SKAP1: variants seen among roughly 807,000 people sequenced by gnomAD.
SKAP1 encodes the protein src kinase associated phosphoprotein 1.
SKAP1 carries 44 observed loss-of-function variants against 58.5 expected under a neutral mutation model. The observed-to-expected ratio is 0.75, with a 90% CI of 0.59 to 0.97. The LOEUF is 0.97. SKAP1 is among the 50% of genes least tolerant of loss of function. SKAP1 has a pLI of 0.00. For synonymous variants in SKAP1, 127 were observed against 149.7 expected (o/e 0.85, Z 1.11); for missense variants, 390 against 435.2 (o/e 0.90, Z 0.92).
At chr17:48,413,869 G>A (rs912066533) in intron 1 of SKAP1, among the ~76,000 whole-genome samples, 10 of 151,974 alleles carry the variant, frequency 6.6e-5, no homozygotes, top group Non-Finnish European at 1.3e-4. Flanking sequence ...TTCTAACATC[G>A]CAGCATTCAC....
At chr17:48,177,552 G>A (rs2064307576) in intron 9 of SKAP1, among the ~76,000 whole-genome samples, 1 of 152,052 alleles carries the variant, frequency 6.6e-6, no homozygotes. Context: ...CTGTGCCTAG[G>A]ATACCATTGC....
At position 48,379,216 on chromosome 17, in the gene SKAP1, G is replaced by A. The variant is rs1215727205; in HGVS notation, c.153-15402C>T. Among the ~76,000 whole-genome samples, 3 of 152,152 alleles carry A rather than the reference G, an allele frequency of 2.0e-5. No homozygotes were observed. In the East Asian group the frequency reaches 5.8e-4, roughly 29 times the overall value. ...AAAATATACTTCAAAAGACACGACTGAATACACATTGCGGTGGCAAGAATC... is the reference window on the plus strand; with the variant it reads ...AAAATATACTTCAAAAGACACGACTAAATACACATTGCGGTGGCAAGAATC... On this transcript the variant is annotated intron_variant, in intron 2 of 12. Transcript: ENST00000336915.
intron 11 of SKAP1, among the ~76,000 whole-genome samples, chr17:48,160,968 T>A (rs1479961182): frequency 6.6e-6 from 1 of 152,180 alleles, no homozygotes; most frequent in African/African-American, 2.4e-5. Flanking sequence ...CACACAGAAA[T>A]GGCACTAGGG....
chr17:48,408,398 T>A (rs1473783746), intron 1 of SKAP1, among the ~76,000 whole-genome samples: 2 of 152,136 alleles, frequency 1.3e-5, no homozygotes, highest in Non-Finnish European at 2.9e-5. Flanking sequence ...AACCTTTGAG[T>A]AATAAATAAT....
At chr17:48,356,306 A>G (rs1337888893) in intron 3 of SKAP1, among the ~76,000 whole-genome samples, 3 of 152,064 alleles carry the variant, frequency 2.0e-5, no homozygotes, top group African/African-American at 7.2e-5. Flanking sequence ...ATAGATGAAA[A>G]CTTGAGTGGG....
intron 4 of SKAP1, among the ~76,000 whole-genome samples, chr17:48,281,427 C>T (rs2065765851): frequency 6.6e-6 from 1 of 152,216 alleles, no homozygotes; most frequent in Non-Finnish European, 1.5e-5. Flanking sequence ...CTTCTCACTG[C>T]TCCTAGTGCC....
chr17:48,252,954 T>G (rs550257614), intron 4 of SKAP1, among the ~76,000 whole-genome samples: 80 of 152,316 alleles, frequency 5.3e-4, no homozygotes, highest in Non-Finnish European at 1.1e-3. Context: ...GTATTTGCTT[T>G]TCAGATTTTG....
chr17:48,217,401 CT>C (rs2064953570), intron 4 of SKAP1, among the ~76,000 whole-genome samples: 1 of 152,136 alleles, frequency 6.6e-6, no homozygotes, highest in Non-Finnish European at 1.5e-5. Flanking sequence ...CAGATAAAAA[CT>C]GCAGGAGACC....
chr17:48,438,390 T>C, the SKAP1 span, among the ~76,000 whole-genome samples: 5 of 152,204 alleles, frequency 3.3e-5, no homozygotes, highest in African/African-American at 1.2e-4. Context: ...ATACAAATTA[T>C]CCATAATCTC....
intron 4 of SKAP1, among the ~76,000 whole-genome samples, chr17:48,261,812 T>C (rs1469080959): frequency 6.8e-6 from 1 of 147,560 alleles, no homozygotes; most frequent in African/African-American, 2.5e-5. Flanking sequence ...TCCTTTTGTT[T>C]TATGGTGGGG....
At chr17:48,199,428 G>C (rs1017891287) in intron 4 of SKAP1, among the ~76,000 whole-genome samples, 1 of 152,154 alleles carries the variant, frequency 6.6e-6, no homozygotes, top group African/African-American at 2.4e-5. Context: ...ACACTGCCAG[G>C]TCTCTGTGTA....
At chr17:48,328,494 T>C (rs909998752) in intron 4 of SKAP1, among the ~76,000 whole-genome samples, 1 of 152,104 alleles carries the variant, frequency 6.6e-6, no homozygotes, top group African/African-American at 2.4e-5. Context: ...TATAGGATGA[T>C]AGCAGTGTAA....
chr17:48,295,998 T>G (rs955288464), intron 4 of SKAP1, among the ~76,000 whole-genome samples: 4 of 152,082 alleles, frequency 2.6e-5, no homozygotes, highest in African/African-American at 4.8e-5. Flanking sequence ...TTACTCAAGA[T>G]TATTAAAATT....
intron 2 of SKAP1, among the ~76,000 whole-genome samples, chr17:48,379,835 C>G (rs988327566): frequency 1.3e-5 from 2 of 152,056 alleles, no homozygotes; most frequent in African/African-American, 4.8e-5. Flanking sequence ...GTGCCCGCCA[C>G]CATGCACAGC....
intron 3 of SKAP1, among the ~76,000 whole-genome samples, chr17:48,347,293 A>G (rs1053801860): frequency 6.6e-6 from 1 of 152,234 alleles, no homozygotes; most frequent in African/African-American, 2.4e-5. Context: ...GAAATCACCA[A>G]TGCTAATCTC....
chr17:48,423,630 A>C (rs2067821107), intron 1 of SKAP1, among the ~76,000 whole-genome samples: 1 of 152,226 alleles, frequency 6.6e-6, no homozygotes, highest in African/African-American at 2.4e-5. Context: ...TGAAATAGCC[A>C]CATGTGGCTA....
chr17:48,183,386 A>G (rs1418145602), intron 7 of SKAP1, among the ~76,000 whole-genome samples: 1 of 152,230 alleles, frequency 6.6e-6, no homozygotes, highest in Non-Finnish European at 1.5e-5. Flanking sequence ...AATAAAGTAC[A>G]TTCTGATTAA....
chr17:48,432,195 C>A (rs983481719), upstream of SKAP1, among the ~76,000 whole-genome samples: 2 of 152,164 alleles, frequency 1.3e-5, no homozygotes, highest in Non-Finnish European at 2.9e-5. Flanking sequence ...CTTTGGGAGG[C>A]CAAGGCAGGC....
chr17:48,379,917 C>T (rs928226418), intron 2 of SKAP1, among the ~76,000 whole-genome samples: 4 of 152,102 alleles, frequency 2.6e-5, no homozygotes, highest in African/African-American at 7.2e-5. Flanking sequence ...CACCTGACCT[C>T]GTCATCCGCC....
Sources: allele counts gnomAD v4.1 joint callset (sites outside exome capture counted in the v4.1 genomes callset), GRCh38; gene constraint gnomAD v4.1.1; transcripts MANE v1.5; gene names NCBI Gene and HGNC (gene_info 2026-07-23, HGNC 2026-07-21).